The following KHDRBS2 variants were observed in gnomAD, a reference collection of about 807,000 sequenced individuals.
KHDRBS2 encodes KH RNA binding domain containing, signal transduction associated 2, also known as KH domain-containing, RNA-binding, signal transduction-associated protein 2.
A neutral mutation model predicts 44.3 loss-of-function variants in KHDRBS2; 26 were observed. That is an observed-to-expected ratio of 0.59 (90% CI 0.43 to 0.81). KHDRBS2 has a LOEUF of 0.81. Ranked by LOEUF, KHDRBS2 falls within the 40% of genes least tolerant of loss-of-function variation. KHDRBS2 has a pLI of 0.00. For synonymous variants in KHDRBS2, 194 were observed against 151.1 expected (o/e 1.28, Z -2.08); for missense variants, 476 against 433.1 (o/e 1.10, Z -0.88).
At chr6:61,662,421 T>C in the KHDRBS2 span, among the ~76,000 whole-genome samples, 2 of 151,510 alleles carry the variant, frequency 1.3e-5, no homozygotes, top group African/African-American at 2.4e-5. Flanking sequence ...ACTAAAGAGC[T>C]TCTGCACAGC....
intron 3 of KHDRBS2, among the ~76,000 whole-genome samples, chr6:61,995,458 G>GAGCA (rs1475913108): frequency 6.6e-6 from 1 of 152,174 alleles, no homozygotes; most frequent in African/African-American, 2.4e-5. Flanking sequence ...AATGAGCAGG[G>GAGCA]AGCAAGGAGC....
At chr6:61,685,484 G>C (rs1766717553) in intron 8 of KHDRBS2, among the ~76,000 whole-genome samples, 3 of 151,836 alleles carry the variant, frequency 2.0e-5, no homozygotes, top group Admixed American at 6.6e-5. Context: ...GGCATTATTA[G>C]CAATTAGGTT....
At position 62,286,204 on chromosome 6, in the gene KHDRBS2, A is replaced by T. The variant is rs1320493955; in HGVS notation, c.-256T>A. Reference sequence around the variant, plus strand: ...GCCCCGGCTCACACCAGCGGCCTTAACTGGAGAGGCGGGAACAGGACGCGG... The same window carrying T: ...GCCCCGGCTCACACCAGCGGCCTTATCTGGAGAGGCGGGAACAGGACGCGG... On this transcript the variant is annotated 5_prime_UTR_variant, in exon 1 of 9. Transcript: ENST00000281156. The T allele has an allele frequency of 4.0e-6, 2 of 496,768 alleles. No individual in the cohort carries two copies. Among genetic ancestry groups the T allele is most frequent in the Non-Finnish European group, 7.1e-6 (2 of 283,576 alleles). The allele number at this position is 496,768 out of a possible 1,614,324, so 30.8% of individuals were successfully genotyped here.
the KHDRBS2 span, among the ~76,000 whole-genome samples, chr6:61,597,357 C>A: frequency 6.6e-6 from 1 of 151,998 alleles, no homozygotes; most frequent in Non-Finnish European, 1.5e-5. Flanking sequence ...CAATTTAAGG[C>A]GGAGCCCATT....
At chr6:62,160,158 AACAAG>A (rs755588239) in intron 2 of KHDRBS2, among the ~76,000 whole-genome samples, 15 of 152,176 alleles carry the variant, frequency 9.9e-5, no homozygotes, top group Non-Finnish European at 2.1e-4. Context: ...ATAACAAACA[AACAAG>A]ACATTTTGCA....
chr6:62,122,332 C>T (rs1248053736), intron 2 of KHDRBS2, among the ~76,000 whole-genome samples: 4 of 152,088 alleles, frequency 2.6e-5, no homozygotes, highest in African/African-American at 4.8e-5. Context: ...GGCTTGTTAT[C>T]GGGCTTTGAT....
At chr6:62,027,956 T>C (rs1209050366) in intron 3 of KHDRBS2, among the ~76,000 whole-genome samples, 2 of 152,034 alleles carry the variant, frequency 1.3e-5, no homozygotes, top group Admixed American at 1.3e-4. Flanking sequence ...GAGGAAGTCG[T>C]TGTAGGAATC....
At chr6:61,655,261 C>G in the KHDRBS2 span, among the ~76,000 whole-genome samples, 17 of 148,228 alleles carry the variant, frequency 1.1e-4, no homozygotes, top group Admixed American at 1.2e-3. Context: ...CACACACACA[C>G]TATTTATTTC....
At chr6:61,913,850 G>A (rs946988547) in intron 4 of KHDRBS2, among the ~76,000 whole-genome samples, 1 of 152,082 alleles carries the variant, frequency 6.6e-6, no homozygotes, top group African/African-American at 2.4e-5. Flanking sequence ...AGACAGGAAG[G>A]AGCTGAGCAT....
intron 4 of KHDRBS2, among the ~76,000 whole-genome samples, chr6:61,948,654 C>CATTATTATTATT (rs145017316): frequency 0.04 from 5,621 of 141,548 alleles, 155 homozygotes; most frequent in South Asian, 0.049. Context: ...TATATTCTCA[C>CATTATTATTATT]ATTATTATTA....
chr6:61,706,121 C>A (rs1561997863), intron 7 of KHDRBS2, among the ~76,000 whole-genome samples: 1 of 151,800 alleles, frequency 6.6e-6, no homozygotes, highest in Non-Finnish European at 1.5e-5. Flanking sequence ...TCCTAACCTG[C>A]AATCCTCATC....
chr6:61,868,690 T>G (rs974250067), intron 6 of KHDRBS2, among the ~76,000 whole-genome samples: 1 of 152,078 alleles, frequency 6.6e-6, no homozygotes, highest in Non-Finnish European at 1.5e-5. Flanking sequence ...GCAGCCTGTT[T>G]GGCTGAATCC....
intron 4 of KHDRBS2, among the ~76,000 whole-genome samples, chr6:61,927,813 G>C (rs529937077): frequency 5.9e-5 from 9 of 152,062 alleles, no homozygotes; most frequent in Admixed American, 3.3e-4. Context: ...ACACAAAGAT[G>C]ACAAATTTAT....
At chr6:61,890,720 A>G (rs1801692345) in intron 6 of KHDRBS2, among the ~76,000 whole-genome samples, 1 of 152,218 alleles carries the variant, frequency 6.6e-6, no homozygotes, top group Non-Finnish European at 1.5e-5. Flanking sequence ...TCATTTAAAC[A>G]AGTCCTTATT....
chr6:61,605,426 T>C, the KHDRBS2 span, among the ~76,000 whole-genome samples: 29 of 152,304 alleles, frequency 1.9e-4, no homozygotes, highest in Admixed American at 6.5e-4. Flanking sequence ...TTAAAGTAAA[T>C]AAATAATCTT....
At chr6:62,140,515 G>A (rs1812582484) in intron 2 of KHDRBS2, among the ~76,000 whole-genome samples, 2 of 152,210 alleles carry the variant, frequency 1.3e-5, no homozygotes, top group South Asian at 2.1e-4. Flanking sequence ...GAGAATAGAT[G>A]ATTAGGGGTT....
chr6:62,241,000 C>T lies in KHDRBS2; in HGVS notation c.91+44858G>A, dbSNP rs560576915. 8.6e-5 allele frequency among the ~76,000 whole-genome samples: 13 copies of T among 152,044 alleles called. No homozygotes were observed. In the South Asian group the frequency reaches 1.2e-3, roughly 15 times the overall value. ...TTTCCAAAGATAATTAGATCAGCAC[C>T]TCTTCCCTTAATATGGGTGTTTTGT... On this transcript the variant is annotated intron_variant, in intron 1 of 8. Coordinates refer to ENST00000281156, the MANE Select transcript of KHDRBS2 (RefSeq NM_152688.4).
rs185253006 is a variant in KHDRBS2 at position 61,936,987 on chromosome 6, A to T, written c.484-35616T>A. On this transcript the variant is annotated intron_variant, in intron 4 of 8. Transcript: ENST00000281156. The stretch of plus-strand genomic sequence containing the variant: ...GACTTACTATGTTTATAGTTTTGAA[A>T]TTTTTTTATAAAATATGTTTTCAAA... Among the ~76,000 whole-genome samples, 677 of 151,982 alleles carry T rather than the reference A, an allele frequency of 4.5e-3. 8 individuals are homozygous for T. Among genetic ancestry groups the T allele is most frequent in the African/African-American group, 0.015 (636 of 41,522 alleles).
chr6:62,055,885 C>T (rs1202055002), intron 2 of KHDRBS2, among the ~76,000 whole-genome samples: 1 of 151,942 alleles, frequency 6.6e-6, no homozygotes, highest in African/African-American at 2.4e-5. Flanking sequence ...GTGCTCACTC[C>T]GTGGATGTGG....
Sources: gnomAD v4.1 joint callset for allele counts (sites outside exome capture counted in the v4.1 genomes callset) on GRCh38, gnomAD v4.1.1 for gene constraint, MANE v1.5 for transcripts, NCBI Gene and HGNC (gene_info 2026-07-23, HGNC 2026-07-21) for gene names.